The following TASP1 variants were observed in gnomAD, a reference collection of about 807,000 sequenced individuals.
TASP1 encodes the protein taspase 1, also known as threonine aspartase 1.
A neutral mutation model predicts 56.6 loss-of-function variants in TASP1; 16 were observed. That is an observed-to-expected ratio of 0.28 (90% CI 0.19 to 0.43). The LOEUF is 0.43. TASP1 is among the 20% of genes least tolerant of loss of function. The probability of loss-of-function intolerance (pLI) is 1.00; values close to 1 mark genes in which losing one functional copy is unlikely to be tolerated. For missense variants in TASP1, 393 were observed against 511.6 expected (o/e 0.77, Z 2.24); for synonymous variants, 179 against 184.2 (o/e 0.97, Z 0.23).
the TASP1 span, among the ~76,000 whole-genome samples, chr20:13,337,752 T>C: frequency 6.6e-6 from 1 of 152,164 alleles, no homozygotes; most frequent in Admixed American, 6.5e-5. Flanking sequence ...TCAGCAAATG[T>C]TTTCGGTAAC....
At chr20:13,370,734 C>T in the TASP1 span, among the ~76,000 whole-genome samples, 4 of 152,090 alleles carry the variant, frequency 2.6e-5, no homozygotes, top group South Asian at 2.1e-4. Context: ...TAATCCATTA[C>T]GACTGATGTC....
rs377026977 is a variant in TASP1 at position 13,464,993 on chromosome 20, T to C, written c.985+18234A>G. Among the ~76,000 whole-genome samples, 63 of 151,306 alleles carry C rather than the reference T, an allele frequency of 4.2e-4. 3 individuals are homozygous for C. In the South Asian group the frequency reaches 0.012, roughly 29 times the overall value. ...GCCGGGGCAATATAGAGAGATTCCATCTCTAAAAAATAAATAATAAATAAA... is the reference window on the plus strand; with the variant it reads ...GCCGGGGCAATATAGAGAGATTCCACCTCTAAAAAATAAATAATAAATAAA... On this transcript the variant is annotated intron_variant, in intron 11 of 13. Transcript: ENST00000337743.
At chr20:13,340,250 C>T in the TASP1 span, among the ~76,000 whole-genome samples, 1 of 152,158 alleles carries the variant, frequency 6.6e-6, no homozygotes, top group South Asian at 2.1e-4. Context: ...GCCAGCCTAG[C>T]ATGAGGAAGA....
the TASP1 span, among the ~76,000 whole-genome samples, chr20:13,222,912 C>A: frequency 6.6e-6 from 1 of 152,164 alleles, no homozygotes; most frequent in Non-Finnish European, 1.5e-5. Flanking sequence ...CCTGTGATCC[C>A]AGCACTTTAG....
At chr20:13,256,947 T>C in the TASP1 span, among the ~76,000 whole-genome samples, 4 of 152,082 alleles carry the variant, frequency 2.6e-5, no homozygotes, top group African/African-American at 9.7e-5. Flanking sequence ...CTAGGGAAGA[T>C]AGGAGCTGGG....
chr20:13,295,634 G>A, the TASP1 span, among the ~76,000 whole-genome samples: 1 of 152,172 alleles, frequency 6.6e-6, no homozygotes. Context: ...AAACACCCAG[G>A]AAAGATAAAG....
intron 11 of TASP1, among the ~76,000 whole-genome samples, chr20:13,481,868 T>C (rs6109906): frequency 0.21 from 32,100 of 152,074 alleles, 3,549 homozygotes; most frequent in Middle Eastern, 0.28. Flanking sequence ...TCCCATTCTT[T>C]GGGTTGTCTC....
Sources: allele counts gnomAD v4.1 joint callset (sites outside exome capture counted in the v4.1 genomes callset), GRCh38; gene constraint gnomAD v4.1.1; transcripts MANE v1.5; gene names NCBI Gene and HGNC (gene_info 2026-07-23, HGNC 2026-07-21).